The following PCCA variants were observed in gnomAD, a reference collection of about 807,000 sequenced individuals.
PCCA encodes propionyl-CoA carboxylase subunit alpha.
A neutral mutation model predicts 101.3 loss-of-function variants in PCCA; 74 were observed. That is an observed-to-expected ratio of 0.73 (90% CI 0.61 to 0.89). The LOEUF (loss-of-function observed/expected upper bound fraction) is 0.89, where lower values mean the gene tolerates loss of function less well. PCCA is among the 40% of genes least tolerant of loss of function. The pLI is 0.00. For synonymous variants in PCCA, 294 were observed against 313.6 expected (o/e 0.94, Z 0.66); for missense variants, 891 against 907.0 (o/e 0.98, Z 0.23).
chr13:100,406,618 C>G (rs1285698486), intron 19 of PCCA, among the ~76,000 whole-genome samples: 3 of 152,166 alleles, frequency 2.0e-5, no homozygotes, highest in African/African-American at 4.8e-5. Context: ...GTAGGAGAAT[C>G]GCTTGAACCG....
intron 21 of PCCA, among the ~76,000 whole-genome samples, chr13:100,469,264 G>A (rs1274656514): frequency 6.8e-6 from 1 of 147,306 alleles, no homozygotes; most frequent in Non-Finnish European, 1.5e-5. Context: ...CTGAAAAAGA[G>A]GAAGGCTTAT....
At chr13:100,234,025 T>G (rs1158065204) in intron 7 of PCCA, among the ~76,000 whole-genome samples, 1 of 152,250 alleles carries the variant, frequency 6.6e-6, no homozygotes, top group Non-Finnish European at 1.5e-5. Context: ...AGTGATGAAC[T>G]TTTTACAATA....
chr13:100,133,589 GT>G (rs1043421903), intron 4 of PCCA, among the ~76,000 whole-genome samples: 5 of 150,968 alleles, frequency 3.3e-5, no homozygotes, highest in African/African-American at 1.2e-4. Context: ...TTTGTTTTTT[GT>G]TTTTTTGCAT....
At chr13:100,512,338 C>T (rs1046297346) in intron 21 of PCCA, among the ~76,000 whole-genome samples, 1 of 152,148 alleles carries the variant, frequency 6.6e-6, no homozygotes, top group Non-Finnish European at 1.5e-5. Context: ...GACCCGGGTT[C>T]GGGTCACCTT....
intron 16 of PCCA, among the ~76,000 whole-genome samples, chr13:100,312,001 G>A (rs117687306): frequency 0.012 from 1,838 of 152,132 alleles, 26 homozygotes; most frequent in Non-Finnish European, 0.015. Flanking sequence ...TGAAATGTTG[G>A]GTTATCCTAT....
At chr13:100,132,965 G>C (rs1197354651) in intron 4 of PCCA, among the ~76,000 whole-genome samples, 2 of 152,112 alleles carry the variant, frequency 1.3e-5, no homozygotes, top group African/African-American at 2.4e-5. Flanking sequence ...ATTTTTACTA[G>C]AGACGGGGTT....
At chr13:100,309,068 T>C (rs1191603025) in intron 15 of PCCA, among the ~76,000 whole-genome samples, 1 of 152,230 alleles carries the variant, frequency 6.6e-6, no homozygotes, top group African/African-American at 2.4e-5. Flanking sequence ...TTTATACTTT[T>C]ATTTTTGAAA....
chr13:100,389,332 C>T (rs180800475), intron 19 of PCCA, among the ~76,000 whole-genome samples: 22 of 152,222 alleles, frequency 1.4e-4, no homozygotes, highest in Admixed American at 5.2e-4. Context: ...GAGATCATGT[C>T]CTTTTTAGGG....
intron 18 of PCCA, among the ~76,000 whole-genome samples, chr13:100,342,362 C>G (rs1307603863): frequency 6.6e-6 from 1 of 151,684 alleles, no homozygotes; most frequent in Non-Finnish European, 1.5e-5. Context: ...CTCCCGGGTT[C>G]AAGCGATTCT....
At chr13:100,187,586 G>A (rs1383762360) in intron 6 of PCCA, among the ~76,000 whole-genome samples, 1 of 152,098 alleles carries the variant, frequency 6.6e-6, no homozygotes, top group Non-Finnish European at 1.5e-5. Context: ...GAGTCAAACA[G>A]TGTTTTTATA....
chr13:100,094,104 T>G (rs2046535969), intron 1 of PCCA, among the ~76,000 whole-genome samples: 1 of 151,914 alleles, frequency 6.6e-6, no homozygotes, highest in Non-Finnish European at 1.5e-5. Context: ...GGCGCATGCC[T>G]GTAATCTCAG....
chr13:100,435,742 T>C (rs982473819), intron 20 of PCCA, among the ~76,000 whole-genome samples: 2 of 152,128 alleles, frequency 1.3e-5, no homozygotes, highest in Non-Finnish European at 1.5e-5. Context: ...CAGGGATTTA[T>C]TGAAAACAAA....
chr13:100,425,647 G>T lies in PCCA; in HGVS notation c.1761G>T (p.Gly587=), dbSNP rs2079091764. 1 of 1,613,590 alleles carries T rather than the reference G, an allele frequency of 6.2e-7. No individual in the cohort carries two copies. The change falls in exon 20 of 24, where the codon GGG becomes GGT. Residue 587 remains glycine, a synonymous_variant. Coordinates refer to ENST00000376285, the MANE Select transcript of PCCA (RefSeq NM_000282.4). Reference sequence around the variant, plus strand: ...TGTCACAACAGGTGGAAGTTGATGGGTCGAAACTAAATGTGACCAGCACGT... The same window carrying T: ...TGTCACAACAGGTGGAAGTTGATGGTTCGAAACTAAATGTGACCAGCACGT... ...NGSVFSVEVD[G]SKLNVTSTWN...
At chr13:100,382,933 G>T (rs1485725364) in intron 19 of PCCA, among the ~76,000 whole-genome samples, 3 of 152,028 alleles carry the variant, frequency 2.0e-5, no homozygotes, top group Admixed American at 2.0e-4. Flanking sequence ...CAACTGCTTG[G>T]GGGAAGGGAA....
chr13:100,137,167 GTCTT>G (rs1290824086), intron 4 of PCCA, among the ~76,000 whole-genome samples: 3 of 151,832 alleles, frequency 2.0e-5, no homozygotes, highest in African/African-American at 4.8e-5. Context: ...TTTTTCTACT[GTCTT>G]TCTGTTATTT....
intron 12 of PCCA, among the ~76,000 whole-genome samples, chr13:100,292,318 A>G (rs1222727519): frequency 6.6e-6 from 1 of 152,240 alleles, no homozygotes; most frequent in African/African-American, 2.4e-5. Context: ...ACTCAGAGCA[A>G]GTAAATTCTA....
intron 21 of PCCA, among the ~76,000 whole-genome samples, chr13:100,474,366 G>A (rs150912274): frequency 6.6e-6 from 1 of 152,020 alleles, no homozygotes; most frequent in African/African-American, 2.4e-5. Flanking sequence ...ATTAGCCTTT[G>A]GAAGCAAATT....
At position 100,394,252 on chromosome 13, in the gene PCCA, C is replaced by T. The variant is rs537547844; in HGVS notation, c.1746+25678C>T. On this transcript the variant is annotated intron_variant, in intron 19 of 23. Coordinates refer to ENST00000376285, the MANE Select transcript of PCCA (RefSeq NM_000282.4). The surrounding 1 kb of genome is among the most constrained non-coding windows in gnomAD (Gnocchi z 4.3). ...ATAACTAGAAACACCTCGCTTCAAA[C>T]GGGTTTCTTCAAAGAAAGAGGGGTT... 1.9e-4 allele frequency among the ~76,000 whole-genome samples: 29 copies of T among 152,332 alleles called. 1 individual carries two copies. Among genetic ancestry groups the T allele is most frequent in the Admixed American group, 1.3e-3 (20 of 15,302 alleles).
chr13:100,393,123 AAT>A (rs1162804689), intron 19 of PCCA, among the ~76,000 whole-genome samples: 1 of 152,170 alleles, frequency 6.6e-6, no homozygotes, highest in African/African-American at 2.4e-5. Flanking sequence ...TGAAGAATTG[AAT>A]TTCTCCTGCT....
Sources: allele counts gnomAD v4.1 joint callset (sites outside exome capture counted in the v4.1 genomes callset), GRCh38; gene constraint gnomAD v4.1.1; non-coding constraint Gnocchi (gnomAD v3.1); transcripts MANE v1.5; gene names NCBI Gene and HGNC (gene_info 2026-07-23, HGNC 2026-07-21).